Variants in SNTB1 observed in about 807,000 individuals in gnomAD.
SNTB1 encodes the protein beta-1-syntrophin.
SNTB1 carries 36 observed loss-of-function variants against 48.9 expected under a neutral mutation model. That is an observed-to-expected ratio of 0.74 (90% CI 0.56 to 0.97). The LOEUF (loss-of-function observed/expected upper bound fraction) is 0.97, where lower values mean the gene tolerates loss of function less well. SNTB1 is among the 50% of genes least tolerant of loss of function. SNTB1 has a pLI of 0.00. For missense variants in SNTB1, 786 were observed against 703.4 expected (o/e 1.12, Z -1.33); for synonymous variants, 299 against 294.6 (o/e 1.01, Z -0.15).
chr8:120,555,589 T>C (rs1815553964), intron 4 of SNTB1, among the ~76,000 whole-genome samples: 1 of 152,204 alleles, frequency 6.6e-6, no homozygotes, highest in Admixed American at 6.5e-5. Context: ...CCAGCTTGCT[T>C]GTTTATGTCT....
At chr8:120,580,023 G>C (rs551595021) in intron 3 of SNTB1, among the ~76,000 whole-genome samples, 4 of 152,172 alleles carry the variant, frequency 2.6e-5, no homozygotes, top group African/African-American at 9.6e-5. Flanking sequence ...CAAATGATGG[G>C]GTGGGACTAA....
chr8:120,761,162 T>C (rs888796544), intron 1 of SNTB1: 3 of 152,174 alleles, frequency 2.0e-5, no homozygotes, highest in Admixed American at 6.5e-5. Context: ...TTTAGCGCCA[T>C]ATCAATAGGA....
chr8:120,564,277 A>G (rs57931690), intron 4 of SNTB1, among the ~76,000 whole-genome samples: 29,779 of 152,056 alleles, frequency 0.2, 3,025 homozygotes, highest in Middle Eastern at 0.3. Flanking sequence ...TGATAGGATT[A>G]GCGTCCTCAA....
chr8:120,753,144 C>A (rs751230339), intron 1 of SNTB1, among the ~76,000 whole-genome samples: 1 of 151,994 alleles, frequency 6.6e-6, no homozygotes, highest in Non-Finnish European at 1.5e-5. Context: ...GCAGTTTGGG[C>A]ATAGAAATCA....
intron 5 of SNTB1, among the ~76,000 whole-genome samples, chr8:120,545,144 G>A (rs1374588009): frequency 6.6e-6 from 1 of 152,106 alleles, no homozygotes; most frequent in Non-Finnish European, 1.5e-5. Context: ...AGGCGTTTGA[G>A]ACCAGCGTGA....
rs559519148 is a variant in SNTB1, at chr8:120,619,308, T to G, written c.996+13136A>C. Among the ~76,000 whole-genome samples the G allele has an allele frequency of 2.7e-3, 393 of 147,794 alleles. 2 individuals are homozygous for G. Among genetic ancestry groups the G allele is most frequent in the African/African-American group, 9.9e-3 (380 of 38,386 alleles). On this transcript the variant is annotated intron_variant, in intron 3 of 6. Coordinates refer to ENST00000517992, the MANE Select transcript of SNTB1 (RefSeq NM_021021.4). Reference sequence around the variant, plus strand: ...TTGGTGAAAATTATACATATATATATATAGAGAGAGAGAGAGAGAGAGAAA... The same window carrying G: ...TTGGTGAAAATTATACATATATATAGATAGAGAGAGAGAGAGAGAGAGAAA...
rs561044920 is a variant in SNTB1 at position 120,663,692 on chromosome 8, A to T, written c.788+30000T>A. Reference sequence around the variant, plus strand: ...CAAACAGGAGGCAGCGTGAGGACCCATTGACAGAATTATTCAAGCAGAGTG... The same window carrying T: ...CAAACAGGAGGCAGCGTGAGGACCCTTTGACAGAATTATTCAAGCAGAGTG... On this transcript the variant is annotated intron_variant, in intron 2 of 6. Coordinates refer to ENST00000517992, the MANE Select transcript of SNTB1 (RefSeq NM_021021.4). Among the ~76,000 whole-genome samples, 13 of 152,234 alleles carry T rather than the reference A, an allele frequency of 8.5e-5. No individual in the cohort carries two copies. In the East Asian group the frequency reaches 2.3e-3, roughly 27 times the overall value.
chr8:120,733,230 G>C (rs1452655414), intron 1 of SNTB1, among the ~76,000 whole-genome samples: 1 of 152,230 alleles, frequency 6.6e-6, no homozygotes, highest in African/African-American at 2.4e-5. Context: ...TCCTCCTAGA[G>C]TGAGTCATCA....
chr8:120,653,690 A>G (rs1817446235), intron 2 of SNTB1, among the ~76,000 whole-genome samples: 2 of 152,142 alleles, frequency 1.3e-5, no homozygotes. Flanking sequence ...ATGAATTTAG[A>G]TCATTTAGAG....
chr8:120,755,145 TGTGTGTGTGTG>T (rs1819292869), intron 1 of SNTB1, among the ~76,000 whole-genome samples: 1 of 146,654 alleles, frequency 6.8e-6, no homozygotes, highest in Non-Finnish European at 1.5e-5. Context: ...TGTGGTGTTG[TGTGTGTGTGTG>T]TGTGTGTGTG....
At chr8:120,777,946 A>G (rs1273389077) in intron 1 of SNTB1, among the ~76,000 whole-genome samples, 1 of 152,172 alleles carries the variant, frequency 6.6e-6, no homozygotes, top group Admixed American at 6.5e-5. Context: ...CAGCAGAAAC[A>G]CTTTGGTTAG....
At chr8:120,599,465 T>C (rs952699643) in intron 3 of SNTB1, among the ~76,000 whole-genome samples, 2 of 152,236 alleles carry the variant, frequency 1.3e-5, no homozygotes, top group African/African-American at 4.8e-5. Context: ...ATCCAGGTTT[T>C]ATATTTATTC....
At position 120,538,227 on chromosome 8, in the gene SNTB1, A is replaced by G. The variant is rs1342219483; in HGVS notation, c.*650T>C. The stretch of plus-strand genomic sequence containing the variant: ...CTACCAGCTTACAGCTCAGATCAGT[A>G]TCTGATGCTTTATTTAATTCCTGCT... On this transcript the variant is annotated 3_prime_UTR_variant, in exon 7 of 7. Coordinates refer to ENST00000517992, the MANE Select transcript of SNTB1 (RefSeq NM_021021.4). 2 of 170,174 alleles carry G rather than the reference A, an allele frequency of 1.2e-5. No homozygotes were observed. The highest frequency in any genetic ancestry group is 1.1e-4 in the Admixed American group (2 of 18,190). 10.5% of individuals were successfully genotyped at this position (170,174 alleles called of 1,614,324 possible).
At chr8:120,542,671 A>T (rs1469958142) in intron 5 of SNTB1, among the ~76,000 whole-genome samples, 1 of 151,452 alleles carries the variant, frequency 6.6e-6, no homozygotes, top group Non-Finnish European at 1.5e-5. Context: ...ATTTTTTTTT[A>T]AATAAATAAA....
At chr8:120,584,868 A>G (rs1816112092) in intron 3 of SNTB1, among the ~76,000 whole-genome samples, 1 of 152,214 alleles carries the variant, frequency 6.6e-6, no homozygotes. Context: ...CCACGTGAGC[A>G]TGAAGGAAGA....
intron 2 of SNTB1, among the ~76,000 whole-genome samples, chr8:120,687,316 T>A (rs1818050395): frequency 6.6e-6 from 1 of 152,198 alleles, no homozygotes; most frequent in Non-Finnish European, 1.5e-5. Context: ...GAAAAGTGAT[T>A]AAATTTGATA....
intron 6 of SNTB1, 149 bp from the exon 7 acceptor site, chr8:120,539,118 A>G: frequency 1.7e-6 from 1 of 596,958 alleles, no homozygotes; most frequent in South Asian, 2.1e-5. Context: ...CCCCTCAATG[A>G]GATAAAGGAA....
chr8:120,673,798 G>A (rs1185845050), intron 2 of SNTB1, among the ~76,000 whole-genome samples: 1 of 152,008 alleles, frequency 6.6e-6, no homozygotes, highest in African/African-American at 2.4e-5. Flanking sequence ...CAGCCCCTCT[G>A]GTTTAGAATT....
chr8:120,777,581 A>G (rs1207932819), intron 1 of SNTB1, among the ~76,000 whole-genome samples: 4 of 152,292 alleles, frequency 2.6e-5, no homozygotes, highest in Non-Finnish European at 4.4e-5. Flanking sequence ...AGGAAAACAT[A>G]ACTTGACATC....
Sources: allele counts gnomAD v4.1 joint callset (sites outside exome capture counted in the v4.1 genomes callset), GRCh38; gene constraint gnomAD v4.1.1; transcripts MANE v1.5; gene names NCBI Gene and HGNC (gene_info 2026-07-23, HGNC 2026-07-21).